The following DCC variants were observed in gnomAD, a reference collection of about 807,000 sequenced individuals.
DCC encodes the protein DCC netrin 1 receptor, also known as netrin receptor DCC.
In DCC, 58 loss-of-function variants were observed where a neutral mutation model predicts 172.5. The observed-to-expected ratio is 0.34, with a 90% confidence interval of 0.27 to 0.42. DCC has a LOEUF of 0.42. Among genes scored for constraint, DCC ranks in the 10% least tolerant of loss-of-function variants. The probability of loss-of-function intolerance (pLI) is 1.00; values close to 1 mark genes in which losing one functional copy is unlikely to be tolerated. For synonymous variants in DCC, 709 were observed against 644.5 expected (o/e 1.10, Z -1.52); for missense variants, 1,740 against 1,791.0 (o/e 0.97, Z 0.51).
intron 3 of DCC, among the ~76,000 whole-genome samples, chr18:52,913,495 CA>C (rs1464957695): frequency 6.6e-5 from 10 of 151,858 alleles, no homozygotes; most frequent in Non-Finnish European, 8.8e-5. Flanking sequence ...GCAAATCAAC[CA>C]GTTTTTTTTT....
At chr18:53,147,275 CAGAA>C (rs1201504767) in intron 7 of DCC, among the ~76,000 whole-genome samples, 2 of 152,194 alleles carry the variant, frequency 1.3e-5, no homozygotes, top group African/African-American at 4.8e-5. Flanking sequence ...TCCTCCTTCT[CAGAA>C]AGAGGACTAG....
intron 1 of DCC, among the ~76,000 whole-genome samples, chr18:52,688,830 T>C (rs1336103518): frequency 6.6e-6 from 1 of 152,126 alleles, no homozygotes; most frequent in Non-Finnish European, 1.5e-5. Context: ...ACAGTAGCTC[T>C]TTTTTGTAGT....
intron 8 of DCC, among the ~76,000 whole-genome samples, chr18:53,175,744 C>T (rs1227794942): frequency 1.3e-5 from 2 of 151,992 alleles, no homozygotes; most frequent in African/African-American, 2.4e-5. Flanking sequence ...TGAAAATGGC[C>T]ATACTGCCCA....
intron 7 of DCC, among the ~76,000 whole-genome samples, chr18:53,084,441 C>T (rs749829455): frequency 2.6e-5 from 4 of 152,178 alleles, no homozygotes; most frequent in Non-Finnish European, 5.9e-5. Flanking sequence ...AAATACACTG[C>T]AAGTACCTAT....
At chr18:53,475,590 C>G (rs888889969) in intron 25 of DCC, among the ~76,000 whole-genome samples, 9 of 152,180 alleles carry the variant, frequency 5.9e-5, no homozygotes, top group African/African-American at 2.2e-4. Context: ...GCACAGAAGT[C>G]AAGAACTGGG....
At chr18:52,460,185 A>T (rs1329185308) in intron 1 of DCC, among the ~76,000 whole-genome samples, 1 of 152,070 alleles carries the variant, frequency 6.6e-6, no homozygotes, top group African/African-American at 2.4e-5. Flanking sequence ...CTTACTTTAA[A>T]AGTTTGTCAT....
chr18:52,698,190 T>C (rs1318155814), intron 1 of DCC, among the ~76,000 whole-genome samples: 3 of 152,192 alleles, frequency 2.0e-5, no homozygotes, highest in Non-Finnish European at 4.4e-5. Context: ...AGGTAGGAAG[T>C]ATTCCTCCAC....
intron 23 of DCC, among the ~76,000 whole-genome samples, chr18:53,454,790 A>G (rs897573667): frequency 6.6e-6 from 1 of 152,172 alleles, no homozygotes; most frequent in Non-Finnish European, 1.5e-5. Context: ...ATTATAGGTC[A>G]CTTTTACTGA....
chr18:53,158,876 C>T (rs1033824335), intron 8 of DCC, among the ~76,000 whole-genome samples: 3 of 151,376 alleles, frequency 2.0e-5, no homozygotes, highest in African/African-American at 7.3e-5. Context: ...ACCTGTCATC[C>T]TAGCCACTCA....
intron 7 of DCC, among the ~76,000 whole-genome samples, chr18:53,089,392 A>G (rs562889926): frequency 2.6e-4 from 39 of 152,070 alleles, no homozygotes; most frequent in Admixed American, 5.2e-4. Context: ...GGCCGTACTC[A>G]TGTATTTTTA....
intron 9 of DCC, among the ~76,000 whole-genome samples, chr18:53,194,481 T>C (rs542230425): frequency 6.6e-6 from 1 of 152,204 alleles, no homozygotes; most frequent in South Asian, 2.1e-4. Context: ...TGTTTGTTTT[T>C]TTTTTAGATG....
chr18:52,609,837 C>G (rs1030881393), intron 1 of DCC, among the ~76,000 whole-genome samples: 11 of 151,398 alleles, frequency 7.3e-5, no homozygotes, highest in African/African-American at 2.7e-4. Flanking sequence ...AACTATCTTA[C>G]AAGAAAAGCC....
At chr18:52,521,697 G>C (rs1386055455) in intron 1 of DCC, among the ~76,000 whole-genome samples, 1 of 152,128 alleles carries the variant, frequency 6.6e-6, no homozygotes, top group African/African-American at 2.4e-5. Context: ...ACACTAGTTT[G>C]AGGAAGTTAT....
intron 2 of DCC, among the ~76,000 whole-genome samples, chr18:52,886,909 G>A (rs900122442): frequency 6.6e-6 from 1 of 151,970 alleles, no homozygotes; most frequent in Non-Finnish European, 1.5e-5. Context: ...TTGCTTAGCT[G>A]TTTTTGCTTG....
chr18:53,049,112 T>C (rs1305647954), intron 5 of DCC, among the ~76,000 whole-genome samples: 7 of 152,180 alleles, frequency 4.6e-5, no homozygotes, highest in Non-Finnish European at 8.8e-5. Flanking sequence ...CTTTGTCAAA[T>C]ATTTTATCCC....
At chr18:53,355,469 C>T (rs1485501384) in intron 15 of DCC, among the ~76,000 whole-genome samples, 2 of 152,120 alleles carry the variant, frequency 1.3e-5, no homozygotes, top group African/African-American at 4.8e-5. Flanking sequence ...GTTTGTAGTT[C>T]TCCTTGAAGA....
At chr18:53,517,578 TCA>T (rs1006138290) in intron 27 of DCC, among the ~76,000 whole-genome samples, 4 of 152,218 alleles carry the variant, frequency 2.6e-5, no homozygotes, top group Admixed American at 1.3e-4. Flanking sequence ...GTCTCATTTT[TCA>T]CAGACAGGTG....
At chr18:52,738,216 A>G (rs1333373750) in intron 1 of DCC, among the ~76,000 whole-genome samples, 1 of 152,126 alleles carries the variant, frequency 6.6e-6, no homozygotes, top group Non-Finnish European at 1.5e-5. Flanking sequence ...TGACAGTAAC[A>G]CAGGCACATC....
At chr18:52,519,868 T>A (rs1223721512) in intron 1 of DCC, among the ~76,000 whole-genome samples, 1 of 152,174 alleles carries the variant, frequency 6.6e-6, no homozygotes, top group Non-Finnish European at 1.5e-5. Flanking sequence ...CAGAAGTATC[T>A]GAGCAAAGAA....
Sources: gnomAD v4.1 joint callset for allele counts (sites outside exome capture counted in the v4.1 genomes callset) on GRCh38, gnomAD v4.1.1 for gene constraint, MANE v1.5 for transcripts, NCBI Gene and HGNC (gene_info 2026-07-23, HGNC 2026-07-21) for gene names.